Variants in ANXA5 observed in about 807,000 individuals in gnomAD.
ANXA5 encodes CBP-I.
Under a neutral mutation model 48.1 loss-of-function variants are expected in ANXA5, and 40 were observed. The observed-to-expected ratio is 0.83, with a 90% CI of 0.65 to 1.08. The LOEUF (loss-of-function observed/expected upper bound fraction) is 1.08, where lower values mean the gene tolerates loss of function less well. ANXA5 is among the 50% of genes least tolerant of loss of function. The probability of loss-of-function intolerance (pLI) is 0.00; values close to 1 mark genes in which losing one functional copy is unlikely to be tolerated. For missense variants in ANXA5, 357 were observed against 376.8 expected (o/e 0.95, Z 0.44); for synonymous variants, 113 against 129.1 (o/e 0.88, Z 0.85).
In ANXA5 at chr4:121,678,079, C is replaced by T. The variant is rs1173788996; in HGVS notation, c.475-129G>A. ...ATAATATGCTTTTATTAAGATCAAT[C>T]CTGCACTATTTCACGTTATCATCAC... On this transcript the variant is annotated intron_variant, in intron 7 of 12. Transcript: ENST00000296511. 3.9e-6 allele frequency: 3 copies of T among 760,144 alleles called. No individual in the cohort carries two copies. In the African/African-American group the frequency reaches 5.2e-5, roughly 13 times the overall value. 47.1% of individuals were successfully genotyped at this position (760,144 alleles called of 1,614,324 possible). A position where few individuals can be genotyped will look rare whatever the true frequency, so the allele number is the denominator to read the frequency against.
At chr4:121,692,006 C>T (rs1399099546) in intron 2 of ANXA5, among the ~76,000 whole-genome samples, 1 of 152,128 alleles carries the variant, frequency 6.6e-6, no homozygotes, top group African/African-American at 2.4e-5. Context: ...AATCCTAACC[C>T]TTGCTCTAAT....
chr4:121,678,729 A>G (rs539231447), intron 6 of ANXA5, among the ~76,000 whole-genome samples: 1 of 152,330 alleles, frequency 6.6e-6, no homozygotes, highest in African/African-American at 2.4e-5. Flanking sequence ...AGACTCAGCC[A>G]TTTAGAAATT....
At chr4:121,675,930 A>T (rs2110481525) in intron 8 of ANXA5, among the ~76,000 whole-genome samples, 1 of 152,326 alleles carries the variant, frequency 6.6e-6, no homozygotes, top group East Asian at 1.9e-4. Flanking sequence ...TCCCCTCAGG[A>T]GCCTCGTGCT....
At chr4:121,671,974 G>C (rs1241613840) in intron 9 of ANXA5, among the ~76,000 whole-genome samples, 1 of 152,090 alleles carries the variant, frequency 6.6e-6, no homozygotes, top group Non-Finnish European at 1.5e-5. Context: ...GCTGTGAAAT[G>C]GTTAAGTTTG....
intron 2 of ANXA5, among the ~76,000 whole-genome samples, chr4:121,692,760 A>G (rs1047892264): frequency 6.6e-6 from 1 of 152,236 alleles, no homozygotes; most frequent in Non-Finnish European, 1.5e-5. Flanking sequence ...CCTATTTCCA[A>G]AACTGTGTTA....
chr4:121,694,274 AATAAAAAATAAAC>A lies in ANXA5; in HGVS notation c.9+2294_9+2306del, dbSNP rs563491811. ...AAAAATATATATATAATAAAAAATA[AATAAAAAATAAAC>A]AAAAAAATTCTGATGTTCATGAAGC... On this transcript the variant is annotated intron_variant, in intron 2 of 12. Coordinates refer to ENST00000296511, the MANE Select transcript of ANXA5 (RefSeq NM_001154.4). Among the ~76,000 whole-genome samples the A allele has an allele frequency of 6.9e-3, 717 of 103,342 alleles. 9 individuals carry two copies. The highest frequency in any genetic ancestry group is 0.03 in the African/African-American group (640 of 21,270). The allele number at this position is 103,342 out of a possible 152,430, so 67.8% of individuals were successfully genotyped here.
At chr4:121,687,007 A>G (rs1030328970) in intron 2 of ANXA5, among the ~76,000 whole-genome samples, 6 of 152,128 alleles carry the variant, frequency 3.9e-5, no homozygotes, top group Non-Finnish European at 7.4e-5. Context: ...TCGTATTTCA[A>G]AAAAAATTAG....
chr4:121,671,687 T>C (rs769149840), intron 9 of ANXA5, 45 bp from the exon 10 acceptor site: 8 of 1,318,116 alleles, frequency 6.1e-6, no homozygotes, highest in African/African-American at 5.8e-5. Flanking sequence ...GGGATCACTC[T>C]TTCCAGAAAG....
At chr4:121,689,297 CA>C (rs1198050865) in intron 2 of ANXA5, among the ~76,000 whole-genome samples, 1 of 152,140 alleles carries the variant, frequency 6.6e-6, no homozygotes, top group African/African-American at 2.4e-5. Flanking sequence ...CCTTGCAGTC[CA>C]TCTGTCTTTT....
chr4:121,682,192 AT>A, intron 5 of ANXA5, among the ~76,000 whole-genome samples: 1 of 152,294 alleles, frequency 6.6e-6, no homozygotes, highest in African/African-American at 2.4e-5. Flanking sequence ...ACCTCAAAAG[AT>A]AAACCCCTGA....
intron 2 of ANXA5, among the ~76,000 whole-genome samples, chr4:121,688,962 C>G (rs893164555): frequency 2.6e-5 from 4 of 152,120 alleles, no homozygotes; most frequent in African/African-American, 4.8e-5. Flanking sequence ...CCACCCACAG[C>G]CAGGCTAGTC....
At chr4:121,689,771 A>C in intron 2 of ANXA5, among the ~76,000 whole-genome samples, 1 of 152,224 alleles carries the variant, frequency 6.6e-6, no homozygotes, top group Non-Finnish European at 1.5e-5. Flanking sequence ...TCAACTCTGC[A>C]CAGCAAGATG....
chr4:121,685,270 A>G (rs1315293529), intron 3 of ANXA5, among the ~76,000 whole-genome samples: 3 of 152,252 alleles, frequency 2.0e-5, no homozygotes, highest in African/African-American at 4.8e-5. Context: ...AAACACACAA[A>G]TAAGTATGAG....
At chr4:121,679,213 C>G (rs770026389) in intron 6 of ANXA5, among the ~76,000 whole-genome samples, 1 of 152,174 alleles carries the variant, frequency 6.6e-6, no homozygotes, top group Admixed American at 6.5e-5. Context: ...AGAAGAGTTA[C>G]ATGTTTATTT....
At chr4:121,684,639 G>C in intron 4 of ANXA5, 38 bp downstream of exon 4, 1 of 1,537,424 alleles carries the variant, frequency 6.5e-7, no homozygotes, top group Non-Finnish European at 9.0e-7. Flanking sequence ...ACTGATAGCT[G>C]TTCTCCCATT....
intron 8 of ANXA5, among the ~76,000 whole-genome samples, chr4:121,672,841 T>C (rs1277319615): frequency 6.6e-6 from 1 of 152,194 alleles, no homozygotes; most frequent in South Asian, 2.1e-4. Context: ...AGAAGATTCA[T>C]GGGTCCAAGC....
intron 7 of ANXA5, 133 bp from the exon 8 acceptor site, chr4:121,678,083 C>T: frequency 1.4e-6 from 1 of 732,980 alleles, no homozygotes; most frequent in Non-Finnish European, 2.4e-6. Context: ...ATCAATCCTG[C>T]ACTATTTCAC....
At chr4:121,674,921 CTATCTGCA>C (rs1724673366) in intron 8 of ANXA5, among the ~76,000 whole-genome samples, 1 of 152,174 alleles carries the variant, frequency 6.6e-6, no homozygotes, top group African/African-American at 2.4e-5. Flanking sequence ...CAGATGTGGT[CTATCTGCA>C]AGATCTCAGA....
At position 121,683,419 on chromosome 4, in the gene ANXA5, G is replaced by A; in HGVS notation, c.248C>T (p.Ala83Val). ...ATAAAGCCGAGAGGGTTTCATCAGA[G>A]CCACAATTAATTTTTCAAATTTTCC... ...LTGKFEKLIV[A>V]LMKPSRLYDA... The change falls in exon 5 of 13, where the codon GCT (alanine) becomes GTT (valine). Residue 83 changes from alanine (A) to valine (V), a missense_variant. Physicochemically the swap from Ala to Val is moderately conservative, Grantham distance 64. Transcript: ENST00000296511. 9 of 1,611,202 alleles carry A rather than the reference G, an allele frequency of 5.6e-6. No homozygotes were observed. Among genetic ancestry groups the A allele is most frequent in the Non-Finnish European group, 7.6e-6 (9 of 1,178,404 alleles).
Sources: gnomAD v4.1 joint callset for allele counts (sites outside exome capture counted in the v4.1 genomes callset) on GRCh38, gnomAD v4.1.1 for gene constraint, MANE v1.5 for transcripts, NCBI Gene and HGNC (gene_info 2026-07-23, HGNC 2026-07-21) for gene names.